PHACTR1: variants seen among roughly 807,000 people sequenced by gnomAD.
The protein encoded by PHACTR1 is phosphatase and actin regulator 1.
PHACTR1 carries 16 observed loss-of-function variants against 69.2 expected under a neutral mutation model. That is an observed-to-expected ratio of 0.23 (90% CI 0.16 to 0.35). PHACTR1 has a LOEUF of 0.35. PHACTR1 is among the 10% of genes least tolerant of loss of function. The probability of loss-of-function intolerance (pLI) is 1.00; values close to 1 mark genes in which losing one functional copy is unlikely to be tolerated. For missense variants in PHACTR1, 510 were observed against 734.7 expected, an observed-to-expected ratio of 0.69 and a Z score of 3.54; for synonymous variants, 312 against 284.5, an observed-to-expected ratio of 1.10 and a Z score of -0.97.
chr6:12,950,252 C>T (rs902322905), intron 4 of PHACTR1, among the ~76,000 whole-genome samples: 14 of 152,256 alleles, frequency 9.2e-5, no homozygotes, highest in East Asian at 1.9e-4. Context: ...CATAGCATGG[C>T]GGCCTCAAAG....
At chr6:12,844,115 C>T (rs1778958002) in intron 4 of PHACTR1, among the ~76,000 whole-genome samples, 1 of 152,118 alleles carries the variant, frequency 6.6e-6, no homozygotes, top group Non-Finnish European at 1.5e-5. Flanking sequence ...AAGAATCAGG[C>T]CAAGCGCAGT....
Position 13,230,575 on chromosome 6 carries a change from C to T in PHACTR1, c.1391+382C>T, listed in dbSNP as rs530690578. Among the ~76,000 whole-genome samples the T allele has an allele frequency of 7.7e-4, 112 of 145,462 alleles. 1 individual carries two copies. The South Asian group carries it at 0.023, about 30-fold the overall frequency. On this transcript the variant is annotated intron_variant, in intron 10 of 14. Transcript: ENST00000332995. ...AAAAAAAAAAAAAAAAAGGAAGAGA[C>T]AATGGAAAACATCCCATTTTGTCTC... is the stretch of plus-strand genomic sequence containing the variant.
chr6:12,957,844 C>A, intron 4 of PHACTR1: 1 of 985,458 alleles, frequency 1.0e-6, no homozygotes, highest in Non-Finnish European at 1.2e-6. Context: ...GGAATTGGCA[C>A]GGCCGGGAAG....
At chr6:12,880,719 G>T (rs996332918) in intron 4 of PHACTR1, among the ~76,000 whole-genome samples, 1 of 152,030 alleles carries the variant, frequency 6.6e-6, no homozygotes, top group Non-Finnish European at 1.5e-5. Flanking sequence ...GAATTGAAGT[G>T]CAAAGATTAG....
At chr6:12,851,823 ATTATT>A (rs1467552775) in intron 4 of PHACTR1, among the ~76,000 whole-genome samples, 1 of 151,882 alleles carries the variant, frequency 6.6e-6, no homozygotes, top group Non-Finnish European at 1.5e-5. Context: ...TTTTTATTTT[ATTATT>A]TTATTTTATT....
chr6:13,197,301 A>C (rs931148189), intron 7 of PHACTR1, among the ~76,000 whole-genome samples: 12 of 152,172 alleles, frequency 7.9e-5, no homozygotes, highest in African/African-American at 2.9e-4. Flanking sequence ...CTCTAGAGTG[A>C]ATCAGCCCCA....
At chr6:12,805,893 G>A (rs1305254039) in intron 4 of PHACTR1, among the ~76,000 whole-genome samples, 2 of 152,120 alleles carry the variant, frequency 1.3e-5, no homozygotes, top group Non-Finnish European at 2.9e-5. Context: ...GAGCCACCAT[G>A]CCCGGCCTAT....
At chr6:12,922,489 CA>C (rs34228161) in intron 4 of PHACTR1, among the ~76,000 whole-genome samples, 44,606 of 151,848 alleles carry the variant, frequency 0.29, 7,043 homozygotes, top group Middle Eastern at 0.38. Context: ...AGGAATAAAG[CA>C]AAGTTCTCAT....
At chr6:12,931,003 CA>C (rs34965562) in intron 4 of PHACTR1, among the ~76,000 whole-genome samples, 6,382 of 86,204 alleles carry the variant, frequency 0.074, 82 homozygotes, top group South Asian at 0.13. Context: ...AACTCTGTCT[CA>C]AAAAAAAAAA....
chr6:13,249,644 C>T (rs566419644), intron 10 of PHACTR1, among the ~76,000 whole-genome samples: 1 of 152,050 alleles, frequency 6.6e-6, no homozygotes, highest in East Asian at 1.9e-4. Context: ...ACTAAAACTA[C>T]AAAAATTAGC....
intron 5 of PHACTR1, among the ~76,000 whole-genome samples, chr6:13,120,739 A>G (rs1818587265): frequency 6.6e-6 from 1 of 152,218 alleles, no homozygotes; most frequent in African/African-American, 2.4e-5. Context: ...ACTTGTAGGA[A>G]AAACAGGGGG....
At chr6:13,192,084 A>G (rs184257287) in intron 7 of PHACTR1, among the ~76,000 whole-genome samples, 7 of 152,350 alleles carry the variant, frequency 4.6e-5, no homozygotes, top group Non-Finnish European at 7.3e-5. Context: ...AATGCCTGCT[A>G]TGTGCAAGGT....
At chr6:12,895,694 G>A (rs1159238287) in intron 4 of PHACTR1, among the ~76,000 whole-genome samples, 4 of 152,186 alleles carry the variant, frequency 2.6e-5, no homozygotes, top group African/African-American at 9.7e-5. Context: ...CCAACAAAAT[G>A]AAACCAAAGT....
intron 7 of PHACTR1, among the ~76,000 whole-genome samples, chr6:13,195,779 A>AAAAAAAAG (rs201554952): frequency 0.14 from 16,854 of 116,392 alleles, 2,802 homozygotes; most frequent in Non-Finnish European, 0.2. Flanking sequence ...AAAAAAAAAA[A>AAAAAAAAG]AGTTCATTTG....
intron 4 of PHACTR1, among the ~76,000 whole-genome samples, chr6:12,760,934 AAAAC>A (rs770514787): frequency 7.9e-5 from 12 of 152,304 alleles, no homozygotes; most frequent in Non-Finnish European, 1.6e-4. Context: ...ACTCCATCTC[AAAAC>A]AAACAAACAA....
chr6:13,112,056 G>A (rs1817128138), intron 5 of PHACTR1, among the ~76,000 whole-genome samples: 1 of 152,040 alleles, frequency 6.6e-6, no homozygotes, highest in Non-Finnish European at 1.5e-5. Context: ...AGGCCCCAGT[G>A]GGTGTTGCTC....
chr6:12,731,320 C>A (rs1440189298), intron 3 of PHACTR1, among the ~76,000 whole-genome samples: 2 of 152,062 alleles, frequency 1.3e-5, no homozygotes, highest in African/African-American at 4.8e-5. Flanking sequence ...GGCCATATTA[C>A]CTTTTTAAAA....
intron 4 of PHACTR1, among the ~76,000 whole-genome samples, chr6:12,926,595 A>T (rs989936387): frequency 6.6e-6 from 1 of 152,192 alleles, no homozygotes; most frequent in Non-Finnish European, 1.5e-5. Context: ...CTCCTGACTC[A>T]TATCCTTGTC....
intron 4 of PHACTR1, chr6:12,933,640 C>A (rs1214304759): frequency 6.2e-7 from 1 of 1,612,668 alleles, no homozygotes; most frequent in Non-Finnish European, 8.5e-7. Context: ...CAGGCGTTTC[C>A]CTTTTTGGGG....
Sources: allele counts gnomAD v4.1 joint callset (sites outside exome capture counted in the v4.1 genomes callset), GRCh38; gene constraint gnomAD v4.1.1; transcripts MANE v1.5; gene names NCBI Gene and HGNC (gene_info 2026-07-23, HGNC 2026-07-21).